The following MYH3 variants were observed in gnomAD, a reference collection of about 807,000 sequenced individuals.
MYH3 encodes myosin-3.
Under a neutral mutation model 238.0 loss-of-function variants are expected in MYH3, and 130 were observed. The ratio of observed to expected loss-of-function variants is 0.55; its 90% CI spans 0.47 to 0.63. The LOEUF (loss-of-function observed/expected upper bound fraction) is 0.63, where lower values mean the gene tolerates loss of function less well. MYH3 is among the 30% of genes least tolerant of loss of function. MYH3 has a pLI of 0.00. For synonymous variants in MYH3, 880 were observed against 924.1 expected (o/e 0.95, Z 0.86); for missense variants, 1,853 against 2,374.9 (o/e 0.78, Z 4.57).
rs2074286760 is a variant in MYH3, at chr17:10,642,918, G to A, written c.1489C>T (p.Leu497=). 6.2e-7 allele frequency: 1 copy of A among 1,614,062 alleles called. No homozygotes were observed. The highest frequency in any genetic ancestry group is 1.7e-5 in the Admixed American group (1 of 60,000). The change falls in exon 15 of 41, where the codon CTG becomes TTG. Residue 497 remains leucine (L), a synonymous_variant. Transcript: ENST00000583535. This position sits in a 1 kb window ranked among gnomAD's most constrained non-coding sequence, Gnocchi z 5.4. ...TCCTTCTTGTACTCCTCCTGCTCCAGCACGAACATGTGGTGGTTGAAAAAC... is the reference window on the plus strand; with the variant it reads ...TCCTTCTTGTACTCCTCCTGCTCCAACACGAACATGTGGTGGTTGAAAAAC... ...QQFFNHHMFV[L]EQEEYKKEGI...
chr17:10,636,434 C>T (rs1438379888), intron 28 of MYH3, among the ~76,000 whole-genome samples: 1 of 152,042 alleles, frequency 6.6e-6, no homozygotes, highest in Non-Finnish European at 1.5e-5. Flanking sequence ...TCCCCAGTGG[C>T]AGGTGTTTCC....
chr17:10,634,120 C>T lies in MYH3; in HGVS notation c.4419G>A (p.Lys1473=), dbSNP rs1055732759. The T allele has an allele frequency of 1.3e-5, 21 of 1,614,104 alleles. No individual in the cohort carries two copies. The highest frequency in any genetic ancestry group is 1.7e-5 in the Admixed American group (1 of 59,996). The change falls in exon 32 of 41, where the codon AAG becomes AAA. Residue 1473 remains lysine, a synonymous_variant. Coordinates refer to ENST00000583535, the MANE Select transcript of MYH3 (RefSeq NM_002470.4). ...ESQAELEASL[K]ESRSLSTELF... ...GCTCAGTGCTCAAGGAGCGGGACTC[C>T]TTCAGGGATGCCTCCAGCTCTGCTT...
chr17:10,673,542 C>A, the MYH3 span: 4 of 152,216 alleles, frequency 2.6e-5, no homozygotes, highest in Non-Finnish European at 5.9e-5. Context: ...GGCTCTCTGC[C>A]CCACTTTCTT....
At chr17:10,641,036 G>T in intron 19 of MYH3, 49 bp downstream of exon 19, 1 of 1,363,842 alleles carries the variant, frequency 7.3e-7, no homozygotes, top group Non-Finnish European at 1.1e-6. Flanking sequence ...TCAAATTCCA[G>T]TGTTCGTACA....
chr17:10,667,761 A>AAAAAAAT, the MYH3 span, among the ~76,000 whole-genome samples: 1 of 152,088 alleles, frequency 6.6e-6, no homozygotes, highest in Admixed American at 6.6e-5. Context: ...TTAAAAAAAA[A>AAAAAAAT]ACAGTGTTCT....
Position 10,642,593 on chromosome 17 carries a change from T to C in MYH3, c.1712A>G (p.Lys571Arg), listed in dbSNP as rs144874188. Residue 571 changes from lysine to arginine, a missense_variant, in exon 16 of 41, where the codon AAA becomes AGA. Transcript: ENST00000583535. This position sits in a 1 kb window ranked among gnomAD's most constrained non-coding sequence, Gnocchi z 5.4. ...SNNFQKPKVV[K>R]GRAEAHFSLI... ...TGAGAAGTGAGCCTCGGCCCTGCCT[T>C]TGACCACCTTGGGCTTCTGGAAGTT... is the stretch of plus-strand genomic sequence containing the variant. 7.0e-5 allele frequency: 113 copies of C among 1,614,064 alleles called. No homozygotes were observed. The African/African-American group carries it at 1.3e-3, about 19-fold the overall frequency.
Position 10,637,814 on chromosome 17 carries a change from T to TC in MYH3, c.3850dup (p.Glu1284GlyfsTer4). Reference sequence around the variant, plus strand: ...GTTTTCTGCACGTGGCTTACCAGCCTCGGTCTGCAAACGAGACTTCTGTGT... The same window carrying TC: ...GTTTTCTGCACGTGGCTTACCAGCCTCCGGTCTGCAAACGAGACTTCTGTGT... On this transcript the variant is annotated frameshift_variant, in exon 28 of 41. Coordinates refer to ENST00000583535, the MANE Select transcript of MYH3 (RefSeq NM_002470.4). LOFTEE classifies it high-confidence loss of function. The TC allele has an allele frequency of 6.2e-7, 1 of 1,614,142 alleles. No homozygotes were observed. Among genetic ancestry groups the TC allele is most frequent in the Non-Finnish European group, 8.5e-7 (1 of 1,180,040 alleles).
the MYH3 span, among the ~76,000 whole-genome samples, chr17:10,662,313 C>A: frequency 9.9e-5 from 15 of 152,268 alleles, no homozygotes; most frequent in African/African-American, 3.4e-4. Flanking sequence ...GGAGCCACTG[C>A]GTCTGGTCCC....
At position 10,629,627 on chromosome 17, in the gene MYH3, G is replaced by A. The variant is rs1195136750; in HGVS notation, c.5766C>T (p.Arg1922=). The part of the protein sequence containing the change: ...DIAESQVNKL[R]AKTRDFTSSR... ...TGGAGGTGAAGTCTCGAGTCTTAGCGCGGAGCTTGTTGACTTGAGATTCTG... is the reference window on the plus strand; with the variant it reads ...TGGAGGTGAAGTCTCGAGTCTTAGCACGGAGCTTGTTGACTTGAGATTCTG... The change falls in exon 40 of 41, where the codon CGC becomes CGT. Residue 1922 remains arginine (R), a synonymous_variant. Transcript: ENST00000583535. 4 of 1,613,942 alleles carry A rather than the reference G, an allele frequency of 2.5e-6. 1 individual carries two copies. The South Asian group carries it at 3.3e-5, about 13-fold the overall frequency.
Position 10,631,986 on chromosome 17 carries a change from G to T in MYH3, c.4987C>A (p.Arg1663=), listed in dbSNP as rs777159320. 1.2e-6 allele frequency: 2 copies of T among 1,613,766 alleles called. No individual in the cohort carries two copies. The highest frequency in any genetic ancestry group is 4.5e-5 in the East Asian group (2 of 44,878). The change falls in exon 35 of 41, where the codon CGG becomes AGG. Residue 1663 remains arginine (R), a synonymous_variant. Transcript: ENST00000583535. ...TGCTCCTTCAGGTCCTCCTGGCCCCGGAGGGCATCATCCAGGTGGAGCTGC... is the reference window on the plus strand; with the variant it reads ...TGCTCCTTCAGGTCCTCCTGGCCCCTGAGGGCATCATCCAGGTGGAGCTGC... The part of the protein sequence containing the change: ...DTQLHLDDAL[R]GQEDLKEQLA...
At chr17:10,662,054 C>T (rs931876834), upstream of MYH3, among the ~76,000 whole-genome samples, 3 of 151,818 alleles carry the variant, frequency 2.0e-5, no homozygotes, top group African/African-American at 4.8e-5. Context: ...CAGGGTCTCA[C>T]TCTGTCACCC....
chr17:10,636,817 G>A (rs1597484331), intron 28 of MYH3, among the ~76,000 whole-genome samples: 1 of 151,992 alleles, frequency 6.6e-6, no homozygotes, highest in East Asian at 2.0e-4. Flanking sequence ...AGGAGGCTGA[G>A]GCAAGAGAAT....
rs774934408 is a variant in MYH3, at chr17:10,640,119, C to T, written c.2559G>A (p.Met853Ile). 9 of 1,614,092 alleles carry T rather than the reference C, an allele frequency of 5.6e-6. No individual in the cohort carries two copies. In the East Asian group the frequency reaches 2.0e-4, roughly 36 times the overall value. Residue 853 changes from methionine to isoleucine, a missense_variant, in exon 22 of 41, where the codon ATG becomes ATA. Around this residue, in one of 3 missense-constraint regions of MYH3, gnomAD observed 678 missense variants for 1,058.9 expected, o/e 0.64. Coordinates refer to ENST00000583535, the MANE Select transcript of MYH3 (RefSeq NM_002470.4). ...CTTTGGTTTTCTGGAATTCTTCCTT[C>T]ATGGTGGCCATCTCTTTCTCAGTCT... ...SAETEKEMATMKEEFQKTKDE... is the reference protein window; with the variant it reads ...SAETEKEMATIKEEFQKTKDE...
chr17:10,631,820 T>G lies in MYH3; in HGVS notation c.5153A>C (p.His1718Pro). The change falls in exon 35 of 41, where the codon CAT becomes CCT. Residue 1718 changes from histidine (H) to proline (P), a missense_variant. His to Pro is a moderately conservative substitution (Grantham distance 77). Coordinates refer to ENST00000583535, the MANE Select transcript of MYH3 (RefSeq NM_002470.4). ...LDSNERVQLL[H>P]TQNTSLIHTK... ...TCCTCTCCCTCCCCTCACCTGGGTA[T>G]GCAGCAGCTGCACCCTCTCGTTGGA... is the stretch of plus-strand genomic sequence containing the variant. 1 of 1,614,164 alleles carries G rather than the reference T, an allele frequency of 6.2e-7. No homozygotes were observed. Among genetic ancestry groups the G allele is most frequent in the Non-Finnish European group, 8.5e-7 (1 of 1,180,026 alleles).
Position 10,654,162 on chromosome 17 carries a change from TTTCC to T in MYH3, c.204+695_204+698del, listed in dbSNP as rs1407376685. Among the ~76,000 whole-genome samples the T allele has an allele frequency of 4.2e-5, 1 of 24,044 alleles. No individual in the cohort carries two copies. The highest frequency in any genetic ancestry group is 1.2e-3 in the South Asian group (1 of 816). The allele number at this position is 24,044 out of a possible 152,430, so 15.8% of individuals were successfully genotyped here. ...TTCTTTCTTTCTTTCTCTTTCTTTC[TTTCC>T]TTCCTTCCTTGCTTTCTTTCTTCCT... is the stretch of plus-strand genomic sequence containing the variant. On this transcript the variant is annotated intron_variant, in intron 3 of 40. Transcript: ENST00000583535. The surrounding 1 kb of genome is among the most constrained non-coding windows in gnomAD (Gnocchi z 4.5).
At position 10,654,799 on chromosome 17, in the gene MYH3, C is replaced by G; in HGVS notation, c.204+62G>C. On this transcript the variant is annotated intron_variant, in intron 3 of 40. Transcript: ENST00000583535. This position sits in a 1 kb window ranked among gnomAD's most constrained non-coding sequence, Gnocchi z 4.5. ...GTGGCTGGGGTTGGGCAGATGCATA[C>G]CCCAGGCAAGCACAAGGACCAGGTG... 6.6e-7 allele frequency: 1 copy of G among 1,525,570 alleles called. No individual in the cohort carries two copies. Among genetic ancestry groups the G allele is most frequent in the Non-Finnish European group, 9.1e-7 (1 of 1,099,308 alleles). The allele number at this position is 1,525,570 out of a possible 1,614,324, so 94.5% of individuals were successfully genotyped here.
chr17:10,628,936 AG>A (rs1172006605), intron 40 of MYH3, among the ~76,000 whole-genome samples: 5 of 152,158 alleles, frequency 3.3e-5, no homozygotes, highest in African/African-American at 7.2e-5. Flanking sequence ...CGGGCTCTGG[AG>A]GGGGCTCCTG....
rs371380515 is a variant in MYH3 at position 10,654,051 on chromosome 17, G to A, written c.204+810C>T. On this transcript the variant is annotated intron_variant, in intron 3 of 40. Transcript: ENST00000583535. This position sits in a 1 kb window ranked among gnomAD's most constrained non-coding sequence, Gnocchi z 4.5. ...AGGCTCACTGCAAGCTCCACCTCCCGGGTTCACGTGCAGGGCGGTTTTTAA... is the reference window on the plus strand; with the variant it reads ...AGGCTCACTGCAAGCTCCACCTCCCAGGTTCACGTGCAGGGCGGTTTTTAA... 6.2e-4 allele frequency among the ~76,000 whole-genome samples: 94 copies of A among 152,086 alleles called. No homozygotes were observed. The South Asian group carries it at 0.016, about 25-fold the overall frequency.
At chr17:10,675,289 G>A in the MYH3 span, 6 of 152,564 alleles carry the variant, frequency 3.9e-5, no homozygotes, top group South Asian at 4.1e-4. Flanking sequence ...CTTTCTCCAC[G>A]CTGTCTTCTT....
Sources: allele counts gnomAD v4.1 joint callset (sites outside exome capture counted in the v4.1 genomes callset), GRCh38; gene constraint gnomAD v4.1.1; regional missense constraint gnomAD v4.1.1; non-coding constraint Gnocchi (gnomAD v3.1); transcripts MANE v1.5; gene names NCBI Gene and HGNC (gene_info 2026-07-23, HGNC 2026-07-21).